Variants in ASIC2 observed in about 807,000 individuals in gnomAD.
ASIC2 encodes acid sensing ion channel subunit 2.
Under a neutral mutation model 57.3 loss-of-function variants are expected in ASIC2, and 25 were observed. The ratio of observed to expected loss-of-function variants is 0.44; its 90% CI spans 0.32 to 0.61. ASIC2 has a LOEUF of 0.61. ASIC2 is among the 20% of genes least tolerant of loss of function. The pLI, the probability that ASIC2 is intolerant of heterozygous loss-of-function variation, is 0.06. For synonymous variants in ASIC2, 319 were observed against 307.5 expected (o/e 1.04, Z -0.39); for missense variants, 641 against 738.1 (o/e 0.87, Z 1.52).
chr17:33,264,768 T>A (rs1247617515), intron 1 of ASIC2, among the ~76,000 whole-genome samples: 1 of 152,106 alleles, frequency 6.6e-6, no homozygotes, highest in Non-Finnish European at 1.5e-5. Context: ...TTGGCAGGGG[T>A]GAGGGTGCTG....
intron 1 of ASIC2, among the ~76,000 whole-genome samples, chr17:33,671,775 G>A (rs1016837772): frequency 6.6e-6 from 1 of 152,094 alleles, no homozygotes; most frequent in Non-Finnish European, 1.5e-5. Flanking sequence ...GTCCTGAGTC[G>A]CGAGATGCAC....
At chr17:33,464,703 ATG>A (rs1354970514) in intron 1 of ASIC2, among the ~76,000 whole-genome samples, 2 of 140,106 alleles carry the variant, frequency 1.4e-5, no homozygotes, top group East Asian at 2.1e-4. Context: ...ATATATATAT[ATG>A]TATATATATG....
intron 1 of ASIC2, among the ~76,000 whole-genome samples, chr17:33,878,225 C>A (rs111309443): frequency 6.6e-6 from 1 of 152,300 alleles, no homozygotes; most frequent in Admixed American, 6.5e-5. Flanking sequence ...AGGAACACAC[C>A]TCCTCACCAG....
At chr17:33,184,255 A>C (rs1003686353) in intron 1 of ASIC2, among the ~76,000 whole-genome samples, 1 of 152,192 alleles carries the variant, frequency 6.6e-6, no homozygotes, top group Admixed American at 6.5e-5. Flanking sequence ...CTCATCAACC[A>C]TTATGTTAAC....
At chr17:34,084,351 T>A (rs1228598026) in intron 1 of ASIC2, among the ~76,000 whole-genome samples, 1 of 152,246 alleles carries the variant, frequency 6.6e-6, no homozygotes, top group East Asian at 1.9e-4. Context: ...GATGAGATAG[T>A]TGTAGATATG....
intron 1 of ASIC2, among the ~76,000 whole-genome samples, chr17:33,706,795 C>T (rs1008647072): frequency 6.6e-6 from 1 of 152,164 alleles, no homozygotes; most frequent in Non-Finnish European, 1.5e-5. Flanking sequence ...ACCTGGGAAA[C>T]ATCTTTCCTA....
chr17:33,326,281 C>G (rs1041977293), intron 1 of ASIC2, among the ~76,000 whole-genome samples: 1 of 152,216 alleles, frequency 6.6e-6, no homozygotes, highest in South Asian at 2.1e-4. Flanking sequence ...AGGTCATTAA[C>G]TTGACCAATA....
chr17:33,739,957 GAGAA>G (rs1555556438), intron 1 of ASIC2, among the ~76,000 whole-genome samples: 1 of 110,002 alleles, frequency 9.1e-6, no homozygotes, highest in South Asian at 2.7e-4. Flanking sequence ...AAAGAAAAAA[GAGAA>G]AGAAAAGAAG....
chr17:34,148,947 C>G lies in ASIC2; in HGVS notation c.555+7031G>C, dbSNP rs557246276. 5.3e-5 allele frequency among the ~76,000 whole-genome samples: 8 copies of G among 152,108 alleles called. No homozygotes were observed. In the East Asian group the frequency reaches 1.4e-3, roughly 26 times the overall value. On this transcript the variant is annotated intron_variant, in intron 1 of 9. Coordinates refer to the ASIC2 transcript ENST00000359872. ...TGTGGAGCAGACATGACACCAGATG[C>G]ACAAAAAGTGAGATCCCAGGCCTAG...
intron 1 of ASIC2, among the ~76,000 whole-genome samples, chr17:33,212,983 C>T (rs1907336666): frequency 6.6e-6 from 1 of 152,210 alleles, no homozygotes. Flanking sequence ...CTTCTCAGAT[C>T]CCGCCCCCAG....
chr17:33,716,090 T>G (rs1909210634), intron 1 of ASIC2, among the ~76,000 whole-genome samples: 1 of 152,174 alleles, frequency 6.6e-6, no homozygotes, highest in South Asian at 2.1e-4. Context: ...CACCCATTTG[T>G]CTTCATCTCT....
At chr17:33,852,050 G>A (rs543001514) in intron 1 of ASIC2, among the ~76,000 whole-genome samples, 2 of 152,332 alleles carry the variant, frequency 1.3e-5, no homozygotes, top group East Asian at 1.9e-4. Context: ...GGCCTGCGCT[G>A]CTTCACTTGG....
intron 1 of ASIC2, among the ~76,000 whole-genome samples, chr17:33,471,047 CAGGCCAGGT>C (rs1320918457): frequency 6.6e-6 from 1 of 152,198 alleles, no homozygotes; most frequent in African/African-American, 2.4e-5. Context: ...TTGGTCACAC[CAGGCCAGGT>C]AGCTCAGAGA....
At chr17:33,632,375 C>T (rs1238915192) in intron 1 of ASIC2, among the ~76,000 whole-genome samples, 4 of 152,108 alleles carry the variant, frequency 2.6e-5, no homozygotes, top group Admixed American at 6.5e-5. Flanking sequence ...TTCTCTGTCA[C>T]GGTTCAGATT....
chr17:33,273,339 T>C (rs1454485738), intron 1 of ASIC2, among the ~76,000 whole-genome samples: 1 of 152,224 alleles, frequency 6.6e-6, no homozygotes, highest in African/African-American at 2.4e-5. Context: ...GAATCCTTCA[T>C]ATTTATAGCT....
intron 1 of ASIC2, among the ~76,000 whole-genome samples, chr17:33,452,759 G>GTGTGTA (rs1555535337): frequency 6.6e-6 from 1 of 151,550 alleles, no homozygotes; most frequent in Non-Finnish European, 1.5e-5. Flanking sequence ...GTGTGTGTGT[G>GTGTGTA]TGTGTGTGTG....
chr17:33,702,974 G>A (rs1908748703), intron 1 of ASIC2, among the ~76,000 whole-genome samples: 1 of 152,184 alleles, frequency 6.6e-6, no homozygotes, highest in Non-Finnish European at 1.5e-5. Context: ...AATAAACAGA[G>A]TTACGGATTG....
chr17:33,940,893 CAGAA>C (rs2141978537), intron 1 of ASIC2, among the ~76,000 whole-genome samples: 1 of 152,332 alleles, frequency 6.6e-6, no homozygotes, highest in South Asian at 2.1e-4. Context: ...CCCTAGAAAA[CAGAA>C]AGAAAGCCAG....
At chr17:33,510,703 C>T (rs1914405020) in intron 1 of ASIC2, among the ~76,000 whole-genome samples, 1 of 152,194 alleles carries the variant, frequency 6.6e-6, no homozygotes, top group African/African-American at 2.4e-5. Context: ...CCCCCATTCA[C>T]ACTGGGAGCA....
Sources: allele counts gnomAD v4.1 joint callset (sites outside exome capture counted in the v4.1 genomes callset), GRCh38; gene constraint gnomAD v4.1.1; transcripts MANE v1.5; gene names NCBI Gene and HGNC (gene_info 2026-07-23, HGNC 2026-07-21).